The following FRMPD3 variants were observed in gnomAD, a reference collection of about 807,000 sequenced individuals.
FRMPD3 encodes FERM and PDZ domain-containing protein 3.
Under a neutral mutation model 97.9 loss-of-function variants are expected in FRMPD3, and 42 were observed. That is an observed-to-expected ratio of 0.43 (90% confidence interval 0.34 to 0.55). The LOEUF is 0.55. Ranked by LOEUF, FRMPD3 falls within the 20% of genes least tolerant of loss-of-function variation. The probability of loss-of-function intolerance (pLI) is 0.03; values close to 1 mark genes in which losing one functional copy is unlikely to be tolerated. For missense variants in FRMPD3, 1,303 were observed against 1,457.7 expected, an observed-to-expected ratio of 0.89 and a Z score of 1.73; for synonymous variants, 577 against 581.1, an observed-to-expected ratio of 0.99 and a Z score of 0.10.
At chrX:107,477,542 C>T (rs984060742) in intron 1 of FRMPD3, among the ~76,000 whole-genome samples, 8 of 112,797 alleles carry the variant, frequency 7.1e-5, no homozygotes, top group Non-Finnish European at 1.3e-4. Flanking sequence ...CCCAAGCTCC[C>T]GGCTAGCATC....
chrX:107,563,145 G>A lies in FRMPD3; in HGVS notation c.1061G>A (p.Arg354Gln). The change falls in exon 11 of 15, where the codon CGA becomes CAA. Residue 354 changes from arginine to glutamine, a missense_variant. Transcript: ENST00000683843. ...SAIQAKLQYL[R>Q]ILNELPTFTG... is the part of the protein sequence containing the mutation. ...ATTCAGGCAAAGCTCCAGTATCTAC[G>A]AATTCTGAATGAACTTCCTACCTTC... The A allele has an allele frequency of 8.3e-6, 10 of 1,210,129 alleles. No individual in the cohort carries two copies. The highest frequency in any genetic ancestry group is 8.9e-6 in the Non-Finnish European group (8 of 894,949).
chrX:107,481,618 G>A (rs912148586), intron 1 of FRMPD3, among the ~76,000 whole-genome samples: 2 of 112,025 alleles, frequency 1.8e-5, no homozygotes, highest in African/African-American at 3.2e-5. Context: ...GAGAGCTAGC[G>A]CTTGGGCAAG....
intron 4 of FRMPD3, among the ~76,000 whole-genome samples, chrX:107,537,479 G>A (rs1318011459): frequency 9.0e-6 from 1 of 111,476 alleles, no homozygotes; most frequent in Non-Finnish European, 1.9e-5. Flanking sequence ...CACACACACG[G>A]GGCTAATTGT....
At chrX:107,467,592 C>T (rs1243004633) in intron 1 of FRMPD3, among the ~76,000 whole-genome samples, 1 of 111,610 alleles carries the variant, frequency 9.0e-6, no homozygotes, top group African/African-American at 3.3e-5. Flanking sequence ...GACTCAAGAT[C>T]CTCACTAGGC....
At chrX:107,587,548 T>C (rs1923710563) in intron 13 of FRMPD3, among the ~76,000 whole-genome samples, 1 of 111,822 alleles carries the variant, frequency 8.9e-6, no homozygotes, top group Non-Finnish European at 1.9e-5. Context: ...ATAATGTCAT[T>C]GGTCTTTATA....
chrX:107,469,994 T>C (rs939606722), intron 1 of FRMPD3, among the ~76,000 whole-genome samples: 25 of 111,758 alleles, frequency 2.2e-4, no homozygotes, highest in African/African-American at 7.1e-4. Flanking sequence ...TCGTTTCTAT[T>C]AGCCTTCCGC....
chrX:107,502,933 C>T (rs1921948921), intron 1 of FRMPD3, among the ~76,000 whole-genome samples: 1 of 111,924 alleles, frequency 8.9e-6, no homozygotes, highest in Non-Finnish European at 1.9e-5. Flanking sequence ...GGGTTTGAAG[C>T]AGCAGTTGTT....
intron 12 of FRMPD3, among the ~76,000 whole-genome samples, chrX:107,572,536 G>A (rs1017274646): frequency 1.8e-5 from 2 of 111,233 alleles, no homozygotes; most frequent in Admixed American, 9.6e-5. Flanking sequence ...TCAGGAGTTC[G>A]AGACTAGCCT....
intron 12 of FRMPD3, among the ~76,000 whole-genome samples, chrX:107,569,836 C>T (rs868518451): frequency 1.8e-5 from 2 of 110,599 alleles, no homozygotes; most frequent in Non-Finnish European, 1.9e-5. Flanking sequence ...ACCAACATGG[C>T]GAAACTCTGT....
rs1480230726 is a variant in FRMPD3 at position 107,602,876 on chromosome X, G to A, written c.4837G>A (p.Glu1613Lys). 8.3e-7 allele frequency: 1 copy of A among 1,210,841 alleles called. No individual in the cohort carries two copies. The highest frequency in any genetic ancestry group is 1.8e-5 in the South Asian group (1 of 56,915). Reference sequence around the variant, plus strand: ...CCTGCGGCAGTGTGTGGCCAGCCCCGAGGCCCGTGCCCCCAAGCCCTATGT... The same window carrying A: ...CCTGCGGCAGTGTGTGGCCAGCCCCAAGGCCCGTGCCCCCAAGCCCTATGT... ...TVLRQCVASP[E>K]ARAPKPYVSQ... Residue 1613 changes from glutamate (E) to lysine (K), a missense_variant, in exon 15 of 15, where the codon GAG becomes AAG. Glu to Lys is a moderately conservative substitution (Grantham distance 56). Coordinates refer to ENST00000683843, the MANE Select transcript of FRMPD3 (RefSeq NM_001388459.1).
chrX:107,469,309 T>A (rs948150319), intron 1 of FRMPD3, among the ~76,000 whole-genome samples: 5 of 111,698 alleles, frequency 4.5e-5, no homozygotes, highest in Non-Finnish European at 9.4e-5. Flanking sequence ...GAGAAGCAAG[T>A]CACATCTCAC....
At position 107,504,920 on chromosome X, in the gene FRMPD3, C is replaced by T. The variant is rs748796186; in HGVS notation, c.-7-21662C>T. ...AAGTCTGCCCTGCTGGTTCCATTCA[C>T]GTCCCCAAAACAATCTCCGAGGTTT... On this transcript the variant is annotated intron_variant, in intron 1 of 14. Coordinates refer to ENST00000683843, the MANE Select transcript of FRMPD3 (RefSeq NM_001388459.1). 4.5e-5 allele frequency among the ~76,000 whole-genome samples: 5 copies of T among 111,986 alleles called. No individual in the cohort carries two copies. The South Asian group carries it at 1.5e-3, about 34-fold the overall frequency.
At chrX:107,480,409 A>T (rs1921314381) in intron 1 of FRMPD3, among the ~76,000 whole-genome samples, 1 of 111,943 alleles carries the variant, frequency 8.9e-6, no homozygotes, top group Admixed American at 9.5e-5. Context: ...ACAGCATAAC[A>T]TAGCTCACAG....
At chrX:107,538,078 C>T (rs1255456052) in intron 4 of FRMPD3, among the ~76,000 whole-genome samples, 1 of 111,568 alleles carries the variant, frequency 9.0e-6, no homozygotes, top group African/African-American at 3.3e-5. Context: ...TGAATCTTGA[C>T]TCTGGCACCT....
At chrX:107,501,370 T>TGTAAAAAATAC (rs1388241573) in intron 1 of FRMPD3, among the ~76,000 whole-genome samples, 2 of 87,266 alleles carry the variant, frequency 2.3e-5, no homozygotes, top group African/African-American at 9.2e-5. Flanking sequence ...TTTTTTTTTT[T>TGTAAAAAATAC]TTTTTTTTTG....
intron 1 of FRMPD3, 27 bp from the exon 2 acceptor site, chrX:107,526,555 T>C: frequency 8.5e-6 from 10 of 1,174,258 alleles, no homozygotes; most frequent in Non-Finnish European, 1.1e-5. Context: ...TGCATCTTGT[T>C]TTGCTCCCAC....
chrX:107,494,031 G>C, intron 1 of FRMPD3, among the ~76,000 whole-genome samples: 1 of 110,948 alleles, frequency 9.0e-6, no homozygotes, highest in East Asian at 2.8e-4. Context: ...TCCGTTCAGA[G>C]TGCAGGCAGA....
At chrX:107,567,560 T>A (rs1411061926) in intron 12 of FRMPD3, among the ~76,000 whole-genome samples, 1 of 111,704 alleles carries the variant, frequency 9.0e-6, no homozygotes, top group East Asian at 2.8e-4. Context: ...GTGGGATGTG[T>A]TCAAAGGCAA....
At chrX:107,495,476 C>A (rs893127863) in intron 1 of FRMPD3, among the ~76,000 whole-genome samples, 5 of 112,186 alleles carry the variant, frequency 4.5e-5, no homozygotes, top group African/African-American at 1.6e-4. Context: ...CTATTTTGTT[C>A]ACTGAGTATC....
Sources: gnomAD v4.1 joint callset for allele counts (sites outside exome capture counted in the v4.1 genomes callset) on GRCh38, gnomAD v4.1.1 for gene constraint, MANE v1.5 for transcripts, NCBI Gene and HGNC (gene_info 2026-07-23, HGNC 2026-07-21) for gene names.